Variants in ZNF385B observed in about 807,000 individuals in gnomAD.
The protein encoded by ZNF385B is zinc finger protein 385B.
Under a neutral mutation model 39.2 loss-of-function variants are expected in ZNF385B, and 23 were observed. That is an observed-to-expected ratio of 0.59 (90% CI 0.42 to 0.83). The LOEUF is 0.83. Among genes scored for constraint, ZNF385B ranks in the 40% least tolerant of loss-of-function variants. The probability of loss-of-function intolerance (pLI) is 0.00; values close to 1 mark genes in which losing one functional copy is unlikely to be tolerated. For synonymous variants in ZNF385B, 205 were observed against 222.6 expected, an observed-to-expected ratio of 0.92 and a Z score of 0.70; for missense variants, 552 against 598.9, an observed-to-expected ratio of 0.92 and a Z score of 0.82.
intron 1 of ZNF385B, among the ~76,000 whole-genome samples, chr2:179,774,360 T>C (rs949659640): frequency 6.6e-6 from 1 of 151,204 alleles, no homozygotes; most frequent in Non-Finnish European, 1.5e-5. Context: ...GTCAATGTTT[T>C]CTTTTTTTTG....
intron 1 of ZNF385B, among the ~76,000 whole-genome samples, chr2:179,804,141 A>G (rs1318632112): frequency 6.6e-6 from 1 of 152,176 alleles, no homozygotes; most frequent in African/African-American, 2.4e-5. Context: ...GTGTGTATCC[A>G]AAGGGAACCT....
Position 179,443,036 on chromosome 2 carries a change from C to T in ZNF385B, c.*214G>A. ...TGGGGGAGGAAGTAGGGAGATAAAG[C>T]CTATGCTGCTGATTCCTCAATTATA... is the stretch of plus-strand genomic sequence containing the variant. On this transcript the variant is annotated 3_prime_UTR_variant, in exon 10 of 10. Coordinates refer to ENST00000410066, the MANE Select transcript of ZNF385B (RefSeq NM_152520.6). 1 of 635,438 alleles carries T rather than the reference C, an allele frequency of 1.6e-6. No individual in the cohort carries two copies. The allele number at this position is 635,438 out of a possible 1,614,324, so 39.4% of individuals were successfully genotyped here.
chr2:179,649,733 C>G (rs1693042767), intron 3 of ZNF385B, among the ~76,000 whole-genome samples: 1 of 151,936 alleles, frequency 6.6e-6, no homozygotes, highest in Admixed American at 6.6e-5. Flanking sequence ...AGCACAAAAT[C>G]CATTAGCAAA....
Position 179,849,840 on chromosome 2 carries a change from C to T in ZNF385B, c.-155+11261G>A, listed in dbSNP as rs116136929. On this transcript the variant is annotated intron_variant, in intron 1 of 9. Coordinates refer to ENST00000410066, the MANE Select transcript of ZNF385B (RefSeq NM_152520.6). ...AACATATCATTACAACCTAATATTGCAAGCACCATAAGAGAAACACAGAAA... is the reference window on the plus strand; with the variant it reads ...AACATATCATTACAACCTAATATTGTAAGCACCATAAGAGAAACACAGAAA... Among the ~76,000 whole-genome samples, 860 of 152,264 alleles carry T rather than the reference C, an allele frequency of 5.6e-3. 10 individuals are homozygous for T. The highest frequency in any genetic ancestry group is 0.02 in the African/African-American group (832 of 41,552).
intron 5 of ZNF385B, among the ~76,000 whole-genome samples, chr2:179,488,791 T>C (rs2054892819): frequency 6.6e-6 from 1 of 152,098 alleles, no homozygotes; most frequent in African/African-American, 2.4e-5. Flanking sequence ...AAACCCAATA[T>C]ACTAAAATGC....
At chr2:179,733,867 G>A (rs1001183558) in intron 3 of ZNF385B, among the ~76,000 whole-genome samples, 6 of 150,914 alleles carry the variant, frequency 4.0e-5, no homozygotes, top group African/African-American at 1.5e-4. Context: ...ACAGTTTAAA[G>A]TAATTCTACC....
At chr2:179,496,441 G>A (rs2367644) in intron 5 of ZNF385B, among the ~76,000 whole-genome samples, 127,221 of 152,168 alleles carry the variant, frequency 0.84, 53,422 homozygotes, top group South Asian at 0.93. Context: ...AGACATAATA[G>A]CAGAGAACTT....
chr2:179,634,861 G>A (rs1238178172), intron 3 of ZNF385B, among the ~76,000 whole-genome samples: 1 of 151,948 alleles, frequency 6.6e-6, no homozygotes, highest in Non-Finnish European at 1.5e-5. Flanking sequence ...CGGTCGCCAT[G>A]GCTCACGCCT....
chr2:179,768,010 C>T (rs528838631), intron 3 of ZNF385B, among the ~76,000 whole-genome samples: 5 of 150,740 alleles, frequency 3.3e-5, no homozygotes, highest in Admixed American at 2.6e-4. Flanking sequence ...AGCACAGTGG[C>T]GTGATCTCAG....
At chr2:179,695,922 T>C (rs1183093364) in intron 3 of ZNF385B, among the ~76,000 whole-genome samples, 1 of 152,236 alleles carries the variant, frequency 6.6e-6, no homozygotes, top group Non-Finnish European at 1.5e-5. Context: ...TGGAATAGTA[T>C]TCAGCCATAA....
chr2:179,460,963 T>C (rs1006088017), intron 6 of ZNF385B, among the ~76,000 whole-genome samples: 8 of 152,226 alleles, frequency 5.3e-5, no homozygotes, highest in Admixed American at 4.6e-4. Flanking sequence ...ATTGGTTTTA[T>C]CTGTGCAGCA....
intron 8 of ZNF385B, 73 bp from the exon 9 acceptor site, chr2:179,445,050 T>A: frequency 7.5e-7 from 1 of 1,336,598 alleles, no homozygotes; most frequent in South Asian, 1.2e-5. Context: ...TCTAGGTAGC[T>A]ATTTTCTCCA....
intron 3 of ZNF385B, among the ~76,000 whole-genome samples, chr2:179,752,617 G>C (rs949918589): frequency 2.6e-5 from 4 of 152,086 alleles, no homozygotes; most frequent in African/African-American, 9.7e-5. Context: ...ACTTTTTAAT[G>C]ATCGCCATTC....
At chr2:179,702,238 C>A (rs997483536) in intron 3 of ZNF385B, among the ~76,000 whole-genome samples, 2 of 151,996 alleles carry the variant, frequency 1.3e-5, no homozygotes, top group African/African-American at 4.8e-5. Flanking sequence ...AAATCATACC[C>A]AAATTATTTT....
intron 6 of ZNF385B, among the ~76,000 whole-genome samples, chr2:179,480,597 A>G (rs2053885096): frequency 6.6e-6 from 1 of 152,192 alleles, no homozygotes; most frequent in African/African-American, 2.4e-5. Flanking sequence ...TAATTTTCCA[A>G]CTTGAAAATT....
At chr2:179,467,818 C>A (rs986831242) in intron 6 of ZNF385B, among the ~76,000 whole-genome samples, 7 of 150,306 alleles carry the variant, frequency 4.7e-5, no homozygotes, top group African/African-American at 1.7e-4. Flanking sequence ...AAAAAAAAAA[C>A]AACAAAATAA....
chr2:179,491,917 C>G (rs1250551574), intron 5 of ZNF385B, among the ~76,000 whole-genome samples: 1 of 148,326 alleles, frequency 6.7e-6, no homozygotes, highest in South Asian at 2.1e-4. Context: ...CTCAGGCTGG[C>G]CTTAAACTCC....
At chr2:179,454,349 G>T (rs991336758) in intron 6 of ZNF385B, among the ~76,000 whole-genome samples, 1 of 152,166 alleles carries the variant, frequency 6.6e-6, no homozygotes, top group Non-Finnish European at 1.5e-5. Context: ...ATTCTGGTGT[G>T]AACAAACCTA....
chr2:179,652,539 G>T (rs1266577366), intron 3 of ZNF385B, among the ~76,000 whole-genome samples: 1 of 152,060 alleles, frequency 6.6e-6, no homozygotes, highest in Non-Finnish European at 1.5e-5. Context: ...CCAGGAAATT[G>T]GGTGTTATGG....
Sources: allele counts gnomAD v4.1 joint callset (sites outside exome capture counted in the v4.1 genomes callset), GRCh38; gene constraint gnomAD v4.1.1; transcripts MANE v1.5; gene names NCBI Gene and HGNC (gene_info 2026-07-23, HGNC 2026-07-21).